The following CTNND2 variants were observed in gnomAD, a reference collection of about 807,000 sequenced individuals.
The protein encoded by CTNND2 is catenin delta 2.
A neutral mutation model predicts 144.4 loss-of-function variants in CTNND2; 22 were observed. That is an observed-to-expected ratio of 0.15 (90% CI 0.11 to 0.22). The LOEUF is 0.22. Ranked by LOEUF, CTNND2 falls within the 10% of genes least tolerant of loss-of-function variation. The probability of loss-of-function intolerance (pLI) is 1.00; values close to 1 mark genes in which losing one functional copy is unlikely to be tolerated. For missense variants in CTNND2, 1,353 were observed against 1,618.8 expected (o/e 0.84, Z 2.82); for synonymous variants, 751 against 695.6 (o/e 1.08, Z -1.25).
intron 9 of CTNND2, among the ~76,000 whole-genome samples, chr5:11,331,190 C>A (rs576054872): frequency 6.6e-6 from 1 of 152,270 alleles, no homozygotes; most frequent in South Asian, 2.1e-4. Context: ...ATATAGCAGA[C>A]TTCTTTGTCA....
intron 3 of CTNND2, among the ~76,000 whole-genome samples, chr5:11,482,782 C>T (rs922575299): frequency 4.6e-5 from 7 of 151,982 alleles, no homozygotes; most frequent in African/African-American, 7.2e-5. Flanking sequence ...ATGAGAAGTC[C>T]GTGATGCTGG....
intron 2 of CTNND2, among the ~76,000 whole-genome samples, chr5:11,569,489 G>T (rs1202908950): frequency 1.3e-5 from 2 of 152,038 alleles, no homozygotes; most frequent in African/African-American, 2.4e-5. Flanking sequence ...CTAAATTAAT[G>T]ATTTATTTGG....
At chr5:11,753,454 T>C (rs1039403437) in intron 1 of CTNND2, among the ~76,000 whole-genome samples, 4 of 151,912 alleles carry the variant, frequency 2.6e-5, no homozygotes, top group Admixed American at 1.3e-4. Flanking sequence ...TTTAGTTCTA[T>C]TTATGTGATG....
chr5:10,983,738 C>CAGTT (rs1737588743), intron 20 of CTNND2, among the ~76,000 whole-genome samples: 1 of 152,144 alleles, frequency 6.6e-6, no homozygotes, highest in African/African-American at 2.4e-5. Flanking sequence ...CTGTTACCAA[C>CAGTT]AGTTAGAATG....
chr5:11,379,786 C>T (rs1033057697), intron 7 of CTNND2, among the ~76,000 whole-genome samples: 3 of 152,124 alleles, frequency 2.0e-5, no homozygotes, highest in Non-Finnish European at 4.4e-5. Flanking sequence ...CACACACTGC[C>T]CAGAACAAAG....
At chr5:11,641,150 AT>A (rs1198673724) in intron 2 of CTNND2, among the ~76,000 whole-genome samples, 2 of 152,150 alleles carry the variant, frequency 1.3e-5, no homozygotes, top group African/African-American at 4.8e-5. Context: ...CTCACTTTTT[AT>A]TATTACATGT....
chr5:11,728,507 T>C (rs1337539363), intron 2 of CTNND2, among the ~76,000 whole-genome samples: 3 of 151,990 alleles, frequency 2.0e-5, no homozygotes, highest in African/African-American at 7.3e-5. Flanking sequence ...CCCACAGAAA[T>C]GTCTTACTCT....
chr5:10,979,808 A>G (rs1168119479), intron 21 of CTNND2, among the ~76,000 whole-genome samples: 1 of 152,222 alleles, frequency 6.6e-6, no homozygotes, highest in African/African-American at 2.4e-5. Flanking sequence ...TGGGGAAAAG[A>G]TTCCCTATTT....
At chr5:11,001,051 C>A (rs1479313029) in intron 18 of CTNND2, among the ~76,000 whole-genome samples, 1 of 152,190 alleles carries the variant, frequency 6.6e-6, no homozygotes, top group Non-Finnish European at 1.5e-5. Context: ...TCTATAGTAA[C>A]AAAACAGGTC....
chr5:11,588,018 T>A (rs976087177), intron 2 of CTNND2, among the ~76,000 whole-genome samples: 1 of 152,088 alleles, frequency 6.6e-6, no homozygotes, highest in African/African-American at 2.4e-5. Context: ...ATAAAAGCAA[T>A]CTTGAAACAC....
intron 3 of CTNND2, among the ~76,000 whole-genome samples, chr5:11,497,511 C>CG (rs940620634): frequency 7.9e-3 from 49 of 6,192 alleles, no homozygotes; most frequent in Middle Eastern, 0.038. Flanking sequence ...GAATGATGTG[C>CG]GGGGGGGTGG....
At chr5:11,417,074 T>C (rs906981967) in intron 3 of CTNND2, among the ~76,000 whole-genome samples, 4 of 152,238 alleles carry the variant, frequency 2.6e-5, no homozygotes, top group African/African-American at 9.6e-5. Context: ...CTAATATTTA[T>C]ATAGGTCTCA....
At chr5:11,336,542 T>C (rs1753742348) in intron 9 of CTNND2, among the ~76,000 whole-genome samples, 1 of 152,178 alleles carries the variant, frequency 6.6e-6, no homozygotes, top group Admixed American at 6.5e-5. Context: ...AATCAACACT[T>C]TGTTACTGTG....
At chr5:11,730,206 T>C (rs971678406) in intron 2 of CTNND2, among the ~76,000 whole-genome samples, 1 of 152,216 alleles carries the variant, frequency 6.6e-6, no homozygotes, top group East Asian at 1.9e-4. Context: ...CTGGACTTCC[T>C]CTCTTGTTTA....
intron 10 of CTNND2, among the ~76,000 whole-genome samples, chr5:11,210,165 G>A (rs1738480505): frequency 6.6e-6 from 1 of 152,166 alleles, no homozygotes; most frequent in Non-Finnish European, 1.5e-5. Context: ...GGGAGGCCAA[G>A]ATGTGCAGAT....
intron 11 of CTNND2, among the ~76,000 whole-genome samples, chr5:11,183,998 A>G (rs1448525123): frequency 1.3e-5 from 2 of 152,202 alleles, no homozygotes; most frequent in Non-Finnish European, 2.9e-5. Context: ...ATCTGCTTCA[A>G]AACTGCAAAC....
rs1303682942 is a variant in CTNND2 at position 11,634,980 on chromosome 5, T to C, written c.175-69924A>G. Among the ~76,000 whole-genome samples, 4 of 151,938 alleles carry C rather than the reference T, an allele frequency of 2.6e-5. No homozygotes were observed. The South Asian group carries it at 8.3e-4, about 32-fold the overall frequency. Reference sequence around the variant, plus strand: ...TGGGCAGAAGATATAGGCAATAGGTTGAAAGATCAATATAAAATGAGAAAT... The same window carrying C: ...TGGGCAGAAGATATAGGCAATAGGTCGAAAGATCAATATAAAATGAGAAAT... On this transcript the variant is annotated intron_variant, in intron 2 of 21. Coordinates refer to ENST00000304623, the MANE Select transcript of CTNND2 (RefSeq NM_001332.4).
At chr5:11,405,761 T>C (rs1011247462) in intron 5 of CTNND2, among the ~76,000 whole-genome samples, 1 of 151,872 alleles carries the variant, frequency 6.6e-6, no homozygotes, top group Non-Finnish European at 1.5e-5. Flanking sequence ...ATTAATTTCA[T>C]ATACCCGAGG....
intron 2 of CTNND2, among the ~76,000 whole-genome samples, chr5:11,689,240 G>A (rs921187013): frequency 1.3e-5 from 2 of 151,960 alleles, no homozygotes; most frequent in Non-Finnish European, 1.5e-5. Context: ...CTTACTTCTG[G>A]GATCTGGTTT....
Sources: gnomAD v4.1 joint callset for allele counts (sites outside exome capture counted in the v4.1 genomes callset) on GRCh38, gnomAD v4.1.1 for gene constraint, MANE v1.5 for transcripts, NCBI Gene and HGNC (gene_info 2026-07-23, HGNC 2026-07-21) for gene names.